Variants in CYB5R1 observed in about 807,000 individuals in gnomAD.
CYB5R1 encodes the protein NADH-cytochrome b5 reductase 1.
A neutral mutation model predicts 37.4 loss-of-function variants in CYB5R1; 32 were observed. That is an observed-to-expected ratio of 0.86 (90% CI 0.65 to 1.15). The LOEUF is 1.15. CYB5R1 is among the 50% of genes most tolerant of loss of function. The probability of loss-of-function intolerance (pLI) is 0.00; values close to 1 mark genes in which losing one functional copy is unlikely to be tolerated. For synonymous variants in CYB5R1, 159 were observed against 155.2 expected (o/e 1.02, Z -0.18); for missense variants, 345 against 382.5 (o/e 0.90, Z 0.82).
intron 3 of CYB5R1, 136 bp from the exon 4 acceptor site, chr1:202,966,129 T>C: frequency 3.0e-6 from 2 of 664,896 alleles, no homozygotes; most frequent in Non-Finnish European, 5.3e-6. Context: ...AGGGAAGATT[T>C]GCCCCATTGA....
rs78141808 is a variant in CYB5R1 at position 202,964,785 on chromosome 1, C to T, written c.476-90G>A. 1,347 of 918,488 alleles carry T rather than the reference C, an allele frequency of 1.5e-3. 12 individuals are homozygous for T. The African/African-American group carries it at 0.018, about 12-fold the overall frequency. The allele number at this position is 918,488 out of a possible 1,614,324, so 56.9% of individuals were successfully genotyped here. On this transcript the variant is annotated intron_variant, in intron 5 of 8. Coordinates refer to ENST00000367249, the MANE Select transcript of CYB5R1 (RefSeq NM_016243.3). Reference sequence around the variant, plus strand: ...TGCAGAGTTGAAAATATGCCTGAGGCCAGTTGAGCAGCTGCTATGACATCT... The same window carrying T: ...TGCAGAGTTGAAAATATGCCTGAGGTCAGTTGAGCAGCTGCTATGACATCT...
chr1:202,965,600 G>C (rs1399975165), intron 4 of CYB5R1, 100 bp from the exon 5 acceptor site: 18 of 1,194,136 alleles, frequency 1.5e-5, no homozygotes, highest in Non-Finnish European at 2.0e-5. Context: ...GATCAGATAT[G>C]TGCTATCTTT....
Position 202,964,618 on chromosome 1 carries a change from C to T in CYB5R1, c.553G>A (p.Gly185Arg), listed in dbSNP as rs137902078. The change falls in exon 6 of 9, where the codon GGG becomes AGG. Residue 185 changes from glycine to arginine, a missense_variant. Gly to Arg is a moderately radical substitution (Grantham distance 125). Coordinates refer to ENST00000367249, the MANE Select transcript of CYB5R1 (RefSeq NM_016243.3). The part of the protein sequence containing the change: ...VAKKLGMIAG[G>R]TGITPMLQLI... The stretch of plus-strand genomic sequence containing the variant: ...GGCCCTCAGTGTAATGCACCTGTCC[C>T]GCCGGCAATCATTCCCAGTTTCTTC... The T allele has an allele frequency of 8.1e-6, 13 of 1,612,098 alleles. No homozygotes were observed. The highest frequency in any genetic ancestry group is 6.7e-5 in the Admixed American group (4 of 59,994).
chr1:202,965,840 C>A, intron 4 of CYB5R1, 47 bp downstream of exon 4: 6 of 1,348,724 alleles, frequency 4.4e-6, no homozygotes, highest in Non-Finnish European at 6.4e-6. Context: ...CTACAAATCC[C>A]AGAAAGAATG....
intron 1 of CYB5R1, 119 bp downstream of exon 1, chr1:202,967,072 C>T: frequency 6.9e-7 from 1 of 1,450,520 alleles, no homozygotes; most frequent in Non-Finnish European, 9.4e-7. Context: ...CCAGCATCCA[C>T]GGTGGGCCCA....
At position 202,962,667 on chromosome 1, in the gene CYB5R1, C is replaced by A. The variant is rs752391510; in HGVS notation, c.778G>T (p.Asp260Tyr). The A allele has an allele frequency of 6.2e-7, 1 of 1,614,008 alleles. No individual in the cohort carries two copies. Among genetic ancestry groups the A allele is most frequent in the African/African-American group, 1.3e-5 (1 of 74,902 alleles). The change falls in exon 9 of 9, where the codon GAC (aspartate) becomes TAC (tyrosine). Residue 260 changes from aspartate to tyrosine, a missense_variant. Physicochemically the swap from Asp to Tyr is radical, Grantham distance 160 (BLOSUM62 -3). Coordinates refer to ENST00000367249, the MANE Select transcript of CYB5R1 (RefSeq NM_016243.3). The stretch of plus-strand genomic sequence containing the variant: ...GCGGGCAGGTGTTCCCGGATCATGT[C>A]GGCAGTCACAAAGCCCTTGCTGTAG... ...WAYSKGFVTA[D>Y]MIREHLPAPG...
At chr1:202,962,757 G>A in intron 8 of CYB5R1, 58 bp from the exon 9 acceptor site, 1 of 1,590,592 alleles carries the variant, frequency 6.3e-7, no homozygotes, top group Non-Finnish European at 8.6e-7. Context: ...GCAAGGGGGT[G>A]TGGTGCCATG....
At position 202,962,267 on chromosome 1, in the gene CYB5R1, C is replaced by T. The variant is rs752446005; in HGVS notation, c.*260G>A. The T allele has an allele frequency of 2.4e-6, 1 of 417,824 alleles. No homozygotes were observed. Among genetic ancestry groups the T allele is most frequent in the Non-Finnish European group, 4.2e-6 (1 of 236,842 alleles). The allele number at this position is 417,824 out of a possible 1,614,324, so 25.9% of individuals were successfully genotyped here. A position where few individuals can be genotyped will look rare whatever the true frequency, so the allele number is the denominator to read the frequency against. ...AGCGTACATGCTCCCTTCCTTCTTA[C>T]TCCATGGAAGAGACTGCTCCATGGG... On this transcript the variant is annotated 3_prime_UTR_variant, in exon 9 of 9. Transcript: ENST00000367249.
chr1:202,964,392 C>T, intron 6 of CYB5R1: 1 of 570,402 alleles, frequency 1.8e-6, no homozygotes, highest in Non-Finnish European at 3.1e-6. Flanking sequence ...ATGAGGAAAG[C>T]TCATTTAATT....
At chr1:202,965,140 G>A (rs1471105925) in intron 5 of CYB5R1, 1 of 525,822 alleles carries the variant, frequency 1.9e-6, no homozygotes, top group African/African-American at 2.0e-5. Context: ...GTTTGCTTTA[G>A]TAATCTCCAC....
rs1018050021 is a variant in CYB5R1, at chr1:202,967,080, C to T, written c.15+111G>A. 122 of 1,472,680 alleles carry T rather than the reference C, an allele frequency of 8.3e-5. No homozygotes were observed. The African/African-American group carries it at 1.6e-3, about 19-fold the overall frequency. 91.2% of individuals were successfully genotyped at this position (1,472,680 alleles called of 1,614,324 possible). On this transcript the variant is annotated intron_variant, in intron 1 of 8. Transcript: ENST00000367249. ...CGGGACCCCAGCATCCACGGTGGGCCCAGAGCCCTGCGGGGCGGGGTCGGC... is the reference window on the plus strand; with the variant it reads ...CGGGACCCCAGCATCCACGGTGGGCTCAGAGCCCTGCGGGGCGGGGTCGGC...
Position 202,963,136 on chromosome 1 carries a change from G to A in CYB5R1, c.675C>T (p.Asp225=), listed in dbSNP as rs1414253299. ...GATAGCGGGCCTGCAGTTCCTCTAA[G>A]TCCTCCCGCAAGATGATATCCTTTT... ...QTEKDIILRE[D]LEELQARYPN... Residue 225 remains aspartate, a synonymous_variant, in exon 8 of 9, where the codon GAC becomes GAT. Coordinates refer to ENST00000367249, the MANE Select transcript of CYB5R1 (RefSeq NM_016243.3). The A allele has an allele frequency of 1.2e-6, 2 of 1,614,152 alleles. No homozygotes were observed. Among genetic ancestry groups the A allele is most frequent in the South Asian group, 2.2e-5 (2 of 91,086 alleles).
In CYB5R1 at chr1:202,963,690, C is replaced by A; in HGVS notation, c.597G>T (p.Leu199=). The part of the protein sequence containing the change: ...TPMLQLIRAI[L]KVPEDPTQCF... The stretch of plus-strand genomic sequence containing the variant: ...ACTGGGTTGGATCTTCAGGGACTTT[C>A]AGGATGGCCCGGATCAGCTGTAGCA... Residue 199 remains leucine (L), a synonymous_variant, in exon 7 of 9, where the codon CTG becomes CTT. Coordinates refer to ENST00000367249, the MANE Select transcript of CYB5R1 (RefSeq NM_016243.3). The A allele has an allele frequency of 6.2e-7, 1 of 1,610,626 alleles. No individual in the cohort carries two copies. The highest frequency in any genetic ancestry group is 8.5e-7 in the Non-Finnish European group (1 of 1,178,282).
Position 202,962,742 on chromosome 1 carries a change from T to C in CYB5R1, c.746-43A>G, listed in dbSNP as rs1471966936. 4 of 1,606,114 alleles carry C rather than the reference T, an allele frequency of 2.5e-6. No homozygotes were observed. The African/African-American group carries it at 4.0e-5, about 16-fold the overall frequency. On this transcript the variant is annotated intron_variant, in intron 8 of 8. Coordinates refer to ENST00000367249, the MANE Select transcript of CYB5R1 (RefSeq NM_016243.3). The stretch of plus-strand genomic sequence containing the variant: ...GAAAGTACTTAATACTCCAGATACA[T>C]GCTGGCAAGGGGGTGTGGTGCCATG...
chr1:202,962,042 T>C lies in CYB5R1; in HGVS notation c.*485A>G, dbSNP rs919931359. On this transcript the variant is annotated 3_prime_UTR_variant, in exon 9 of 9. Transcript: ENST00000367249. The stretch of plus-strand genomic sequence containing the variant: ...CAGACTCCTTTGAGATCTGAAGAAA[T>C]CATTTCCTCCTTTCTTGCCATCTCC... 1 of 152,564 alleles carries C rather than the reference T, an allele frequency of 6.6e-6. No individual in the cohort carries two copies. The highest frequency in any genetic ancestry group is 1.5e-5 in the Non-Finnish European group (1 of 68,318). The allele number at this position is 152,564 out of a possible 1,614,324, so 9.5% of individuals were successfully genotyped here. A position where few individuals can be genotyped will look rare whatever the true frequency, so the allele number is the denominator to read the frequency against.
rs1332883466 is a variant in CYB5R1 at position 202,966,584 on chromosome 1, GTGT to G, written c.179_181del (p.Asn60del). On this transcript the variant is annotated inframe_deletion, in exon 3 of 9. Transcript: ENST00000367249. ...GGGCAGGGCAAAGCGGAACCTCTTG[GTGT>G]TGTGGCTCACAGTCTGGAGGGTGGA... 6.2e-7 allele frequency: 1 copy of G among 1,614,218 alleles called. No homozygotes were observed. Among genetic ancestry groups the G allele is most frequent in the Admixed American group, 1.7e-5 (1 of 60,026 alleles).
At chr1:202,964,520 G>T in intron 6 of CYB5R1, 92 bp downstream of exon 6, 1 of 950,654 alleles carries the variant, frequency 1.1e-6, no homozygotes, top group Non-Finnish European at 1.7e-6. Context: ...ACAACAGCTT[G>T]GCTATGGTTA....
At chr1:202,965,632 TCTTTC>T (rs933598563) in intron 4 of CYB5R1, 132 bp from the exon 5 acceptor site, 22 of 948,432 alleles carry the variant, frequency 2.3e-5, no homozygotes, top group Middle Eastern at 3.0e-4. Context: ...ATACTTTCTT[TCTTTC>T]TTTTTTTTTT....
At chr1:202,964,573 C>G (rs373464710) in intron 6 of CYB5R1, 39 bp downstream of exon 6, 1 of 1,488,134 alleles carries the variant, frequency 6.7e-7, no homozygotes, top group Non-Finnish European at 9.4e-7. Flanking sequence ...TGGCAACAGT[C>G]AACAATGGTG....
Sources: gnomAD v4.1 joint callset for allele counts on GRCh38, gnomAD v4.1.1 for gene constraint, MANE v1.5 for transcripts, NCBI Gene and HGNC (gene_info 2026-07-23, HGNC 2026-07-21) for gene names.